Variants in MARCHF1 observed in about 807,000 individuals in gnomAD.
The protein encoded by MARCHF1 is membrane associated ring-CH-type finger 1.
A neutral mutation model predicts 54.2 loss-of-function variants in MARCHF1; 40 were observed. The ratio of observed to expected loss-of-function variants is 0.74; its 90% CI spans 0.57 to 0.96. The LOEUF (loss-of-function observed/expected upper bound fraction) is 0.96, where lower values mean the gene tolerates loss of function less well. Ranked by LOEUF, MARCHF1 falls within the 40% of genes least tolerant of loss-of-function variation. MARCHF1 has a pLI of 0.00. For missense variants in MARCHF1, 586 were observed against 656.5 expected, an observed-to-expected ratio of 0.89 and a Z score of 1.17; for synonymous variants, 236 against 236.3, an observed-to-expected ratio of 1.00 and a Z score of 0.01.
intron 2 of MARCHF1, among the ~76,000 whole-genome samples, chr4:164,110,374 A>C (rs532439719): frequency 3.2e-4 from 49 of 151,868 alleles, no homozygotes; most frequent in African/African-American, 1.0e-3. Flanking sequence ...TATATGTTAA[A>C]ATTTGTCTTT....
intron 3 of MARCHF1, among the ~76,000 whole-genome samples, chr4:163,962,609 A>G (rs1327905500): frequency 6.6e-6 from 1 of 151,936 alleles, no homozygotes; most frequent in African/African-American, 2.4e-5. Flanking sequence ...TAGGCATTCA[A>G]ATCTGAATAA....
chr4:163,543,952 G>A (rs1738807865), intron 9 of MARCHF1, among the ~76,000 whole-genome samples: 1 of 152,172 alleles, frequency 6.6e-6, no homozygotes, highest in African/African-American at 2.4e-5. Context: ...TTACCTGGAG[G>A]AAATTTGTGG....
intron 2 of MARCHF1, among the ~76,000 whole-genome samples, chr4:164,053,998 T>C (rs538209917): frequency 3.4e-4 from 51 of 152,010 alleles, no homozygotes; most frequent in African/African-American, 1.1e-3. Context: ...ACCTACAACA[T>C]GGGAGAAAAT....
chr4:164,341,830 T>G (rs1157619755), intron 1 of MARCHF1, among the ~76,000 whole-genome samples: 1 of 152,204 alleles, frequency 6.6e-6, no homozygotes, highest in African/African-American at 2.4e-5. Context: ...ATAGCACCTG[T>G]TTGCAAATGA....
chr4:164,379,403 T>C (rs1457965485), intron 1 of MARCHF1, among the ~76,000 whole-genome samples: 1 of 152,068 alleles, frequency 6.6e-6, no homozygotes, highest in Admixed American at 6.6e-5. Context: ...ATTAAACATG[T>C]AACTCAGATC....
chr4:163,832,188 T>C (rs1749044097), intron 4 of MARCHF1, among the ~76,000 whole-genome samples: 1 of 152,162 alleles, frequency 6.6e-6, no homozygotes, highest in Non-Finnish European at 1.5e-5. Context: ...CGTTTCTAAT[T>C]GGGGAAAACA....
chr4:164,379,805 A>G (rs1731315100), intron 1 of MARCHF1, among the ~76,000 whole-genome samples: 1 of 152,010 alleles, frequency 6.6e-6, no homozygotes, highest in Non-Finnish European at 1.5e-5. Context: ...GTGAAACCCC[A>G]TCTATGCTAA....
chr4:164,180,664 G>T (rs1403459172), intron 1 of MARCHF1, among the ~76,000 whole-genome samples: 1 of 152,138 alleles, frequency 6.6e-6, no homozygotes, highest in African/African-American at 2.4e-5. Flanking sequence ...AGCTGAATAT[G>T]AGTCTGGGCA....
chr4:164,336,454 T>G (rs1271132602), intron 1 of MARCHF1, among the ~76,000 whole-genome samples: 1 of 152,230 alleles, frequency 6.6e-6, no homozygotes, highest in African/African-American at 2.4e-5. Flanking sequence ...CAAATCAGTT[T>G]CTTTGCTCCA....
chr4:163,727,476 T>C (rs977014359), intron 4 of MARCHF1, among the ~76,000 whole-genome samples: 3 of 152,004 alleles, frequency 2.0e-5, no homozygotes, highest in Non-Finnish European at 2.9e-5. Context: ...CCTGGCTAAT[T>C]TTGTATTTTC....
intron 4 of MARCHF1, among the ~76,000 whole-genome samples, chr4:163,842,135 A>G (rs1749358053): frequency 6.6e-6 from 1 of 152,122 alleles, no homozygotes; most frequent in Non-Finnish European, 1.5e-5. Flanking sequence ...AGAATCTATT[A>G]AACAACCTTA....
intron 3 of MARCHF1, among the ~76,000 whole-genome samples, chr4:163,906,584 C>T (rs575232003): frequency 6.6e-6 from 1 of 151,996 alleles, no homozygotes; most frequent in East Asian, 1.9e-4. Context: ...GCCATCACCA[C>T]AATCTATGCC....
chr4:163,908,281 T>C (rs1447872105), intron 3 of MARCHF1, among the ~76,000 whole-genome samples: 1 of 152,102 alleles, frequency 6.6e-6, no homozygotes, highest in East Asian at 1.9e-4. Flanking sequence ...ACAATATTAA[T>C]CATGTACCTA....
chr4:164,295,550 A>T (rs889133258), intron 1 of MARCHF1, among the ~76,000 whole-genome samples: 7 of 152,142 alleles, frequency 4.6e-5, no homozygotes, highest in African/African-American at 1.4e-4. Flanking sequence ...AAATCACAAG[A>T]TTTTGTTTGA....
At position 163,701,944 on chromosome 4, in the gene MARCHF1, G is replaced by A. The variant is rs984722759; in HGVS notation, c.112-1081C>T. ...GAGAACTAAGTTGTTATAACAACCCGTGGGGCTGAAATTGCCCATGATGAC... is the reference window on the plus strand; with the variant it reads ...GAGAACTAAGTTGTTATAACAACCCATGGGGCTGAAATTGCCCATGATGAC... On this transcript the variant is annotated intron_variant, in intron 4 of 9. Transcript: ENST00000514618. Among the ~76,000 whole-genome samples the A allele has an allele frequency of 3.3e-5, 5 of 152,020 alleles. No individual in the cohort carries two copies. In the South Asian group the frequency reaches 6.2e-4, roughly 19 times the overall value.
At position 163,764,747 on chromosome 4, in the gene MARCHF1, A is replaced by G. The variant is rs1365003868; in HGVS notation, c.112-63884T>C. On this transcript the variant is annotated intron_variant, in intron 4 of 9. Coordinates refer to ENST00000514618, the MANE Select transcript of MARCHF1 (RefSeq NM_001394959.1). Reference sequence around the variant, plus strand: ...CGTAAAGGTGAGTCAGCAAAGGAGTATGACTAGTTTCAACCATTTCCCACT... The same window carrying G: ...CGTAAAGGTGAGTCAGCAAAGGAGTGTGACTAGTTTCAACCATTTCCCACT... Among the ~76,000 whole-genome samples the G allele has an allele frequency of 3.3e-5, 5 of 152,088 alleles. No individual in the cohort carries two copies. In the East Asian group the frequency reaches 9.6e-4, roughly 29 times the overall value.
chr4:163,820,753 T>G lies in MARCHF1; in HGVS notation c.111+33268A>C, dbSNP rs549385242. Among the ~76,000 whole-genome samples, 3 of 152,136 alleles carry G rather than the reference T, an allele frequency of 2.0e-5. No homozygotes were observed. The South Asian group carries it at 6.2e-4, about 32-fold the overall frequency. On this transcript the variant is annotated intron_variant, in intron 4 of 9. Coordinates refer to ENST00000514618, the MANE Select transcript of MARCHF1 (RefSeq NM_001394959.1). ...AATCCATCACTAAATCTTATAAAGTTGACTTTATAATTTTCATATGCAAAC... is the reference window on the plus strand; with the variant it reads ...AATCCATCACTAAATCTTATAAAGTGGACTTTATAATTTTCATATGCAAAC...
At chr4:163,704,099 GT>G (rs912346239) in intron 4 of MARCHF1, among the ~76,000 whole-genome samples, 86 of 146,612 alleles carry the variant, frequency 5.9e-4, no homozygotes, top group Middle Eastern at 3.4e-3. Flanking sequence ...GCTTAAAAAA[GT>G]TTTTTTTTAA....
intron 1 of MARCHF1, among the ~76,000 whole-genome samples, chr4:164,261,652 C>A (rs1375984326): frequency 6.6e-6 from 1 of 152,190 alleles, no homozygotes; most frequent in Non-Finnish European, 1.5e-5. Context: ...TCTTGGAATG[C>A]TTTCCCATCA....
Sources: gnomAD v4.1 joint callset for allele counts (sites outside exome capture counted in the v4.1 genomes callset) on GRCh38, gnomAD v4.1.1 for gene constraint, MANE v1.5 for transcripts, NCBI Gene and HGNC (gene_info 2026-07-23, HGNC 2026-07-21) for gene names.